Variants in PLCB3 observed in about 807,000 individuals in gnomAD.
PLCB3 encodes the protein 1-phosphatidylinositol 4,5-bisphosphate phosphodiesterase beta-3.
PLCB3 carries 54 observed loss-of-function variants against 152.1 expected under a neutral mutation model. That is an observed-to-expected ratio of 0.36 (90% CI 0.29 to 0.45). PLCB3 has a LOEUF of 0.45. Ranked by LOEUF, PLCB3 falls within the 20% of genes least tolerant of loss-of-function variation. PLCB3 has a pLI of 1.00. For missense variants in PLCB3, 1,248 were observed against 1,687.5 expected (o/e 0.74, Z 4.56); for synonymous variants, 717 against 698.7 (o/e 1.03, Z -0.41).
chr11:64,266,059 C>T lies in PLCB3; in HGVS notation c.3189+20C>T. 1 of 1,613,842 alleles carries T rather than the reference C, an allele frequency of 6.2e-7. No individual in the cohort carries two copies. Among genetic ancestry groups the T allele is most frequent in the Non-Finnish European group, 8.5e-7 (1 of 1,179,904 alleles). ...AGACAGGTAGGGGGCCTGCAGTGGC[C>T]AGGGAAAGCCTGCTGGATAGACCCG... On this transcript the variant is annotated intron_variant, in intron 26 of 30. Transcript: ENST00000279230. The surrounding 1 kb of genome is among the most constrained non-coding windows in gnomAD (Gnocchi z 4.9).
Position 64,265,320 on chromosome 11 carries a change from C to A in PLCB3, c.2853C>A (p.Pro951=). ...CTCTGCCGCTCCCAGAGGTGGCCCC[C>A]ACCCCGCTGGATGAGCTCCGAGGTC... is the stretch of plus-strand genomic sequence containing the variant. The part of the protein sequence containing the change: ...LIASILSEVA[P]TPLDELRGHK... The change falls in exon 25 of 31, where the codon CCC becomes CCA. Residue 951 remains proline, a synonymous_variant. Coordinates refer to ENST00000279230, the MANE Select transcript of PLCB3 (RefSeq NM_000932.5). 6.3e-7 allele frequency: 1 copy of A among 1,594,664 alleles called. No individual in the cohort carries two copies. Among genetic ancestry groups the A allele is most frequent in the Middle Eastern group, 1.7e-4 (1 of 6,010 alleles).
At position 64,264,012 on chromosome 11, in the gene PLCB3, TC is replaced by T. The variant is rs769286956; in HGVS notation, c.2561-3del. ...GTCTCTGAGACCTTGGCCTTCTGCCTCCCCCCAGACTATGCGGAGGCCCTGA... is the reference window on the plus strand; with the variant it reads ...GTCTCTGAGACCTTGGCCTTCTGCCTCCCCCAGACTATGCGGAGGCCCTGA... On this transcript the variant is annotated splice_region_variant and splice_polypyrimidine_tract_variant and intron_variant, in intron 21 of 30. Coordinates refer to ENST00000279230, the MANE Select transcript of PLCB3 (RefSeq NM_000932.5). The T allele has an allele frequency of 4.2e-5, 65 of 1,564,364 alleles. No individual in the cohort carries two copies. The African/African-American group carries it at 6.6e-4, about 16-fold the overall frequency.
At position 64,264,035 on chromosome 11, in the gene PLCB3, C is replaced by T. The variant is rs368390466; in HGVS notation, c.2575C>T (p.Leu859=). The T allele has an allele frequency of 1.3e-6, 2 of 1,573,970 alleles. No individual in the cohort carries two copies. Among genetic ancestry groups the T allele is most frequent in the Non-Finnish European group, 1.7e-6 (2 of 1,160,900 alleles). The change falls in exon 22 of 31, where the codon CTG becomes TTG. Residue 859 remains leucine (L), a synonymous_variant. Transcript: ENST00000279230. ...CCTCCCCCCAGACTATGCGGAGGCC[C>T]TGATCAACCCCATTAAGCACGTCAG... ...PDDHQDYAEA[L]INPIKHVSLM...
chr11:64,255,414 G>A lies in PLCB3; in HGVS notation c.486G>A (p.Leu162=), dbSNP rs895440232. 3 of 1,614,058 alleles carry A rather than the reference G, an allele frequency of 1.9e-6. No individual in the cohort carries two copies. Among genetic ancestry groups the A allele is most frequent in the Non-Finnish European group, 2.5e-6 (3 of 1,180,036 alleles). Residue 162 remains leucine (L), a synonymous_variant, in exon 6 of 31, where the codon CTG becomes CTA. Coordinates refer to ENST00000279230, the MANE Select transcript of PLCB3 (RefSeq NM_000932.5). This position sits in a 1 kb window ranked among gnomAD's most constrained non-coding sequence, Gnocchi z 6.8. ...TTCCCAGATACACGAAGCTGAAGCT[G>A]CAGGTGAACCAGGATGGTCGGATCC... ...FLRKAYTKLK[L]QVNQDGRIPV...
chr11:64,259,936 A>G, intron 13 of PLCB3, 93 bp from the exon 14 acceptor site: 1 of 1,026,396 alleles, frequency 9.7e-7, no homozygotes, highest in Non-Finnish European at 1.4e-6. Flanking sequence ...TTCCCCACTG[A>G]GTCACCTCGG....
In PLCB3 at chr11:64,265,428, C is replaced by T. The variant is rs1397212619; in HGVS notation, c.2961C>T (p.Thr987=). 1.2e-6 allele frequency: 2 copies of T among 1,611,476 alleles called. No homozygotes were observed. The highest frequency in any genetic ancestry group is 4.5e-5 in the East Asian group (2 of 44,862). ...AGAAGCATCAGCGGAAGGCAGTCAC[C>T]CTCACCCGCCGCCTGCTGGATGGCC... ...LRKKHQRKAV[T]LTRRLLDGLA... Residue 987 remains threonine (T), a synonymous_variant, in exon 25 of 31, where the codon ACC becomes ACT. Transcript: ENST00000279230.
chr11:64,263,944 C>T (rs1359512031), intron 21 of PLCB3, 77 bp from the exon 22 acceptor site: 1 of 1,248,970 alleles, frequency 8.0e-7, no homozygotes, highest in East Asian at 2.3e-5. Context: ...TGGAATTCCT[C>T]ATTGAGACCA....
In PLCB3 at chr11:64,263,546, G is replaced by C; in HGVS notation, c.2404G>C (p.Gly802Arg). The change falls in exon 20 of 31, where the codon GGG (glycine) becomes CGG (arginine). Residue 802 changes from glycine to arginine, a missense_variant. By Grantham distance (125) the Gly-to-Arg change is moderately radical. Coordinates refer to ENST00000279230, the MANE Select transcript of PLCB3 (RefSeq NM_000932.5). ...ACTTCGCATTGCAGCCTTTGAGGAG[G>C]GGGGTAAATTCGTAGGGCACCGGAT... ...ASLRIAAFEE[G>R]GKFVGHRILP... is the part of the protein sequence containing the mutation. 6.3e-7 allele frequency: 1 copy of C among 1,597,796 alleles called. No individual in the cohort carries two copies. Among genetic ancestry groups the C allele is most frequent in the Non-Finnish European group, 8.5e-7 (1 of 1,172,352 alleles).
rs1165750127 is a variant in PLCB3 at position 64,255,834 on chromosome 11, G to A, written c.698+13G>A. On this transcript the variant is annotated intron_variant, in intron 8 of 30. Transcript: ENST00000279230. This position sits in a 1 kb window ranked among gnomAD's most constrained non-coding sequence, Gnocchi z 6.8. ...TCCTGCTGGAGATGTGAGTGGGCCCGGCCTGCCTCACAACCCCTGTGCTCT... is the reference window on the plus strand; with the variant it reads ...TCCTGCTGGAGATGTGAGTGGGCCCAGCCTGCCTCACAACCCCTGTGCTCT... The A allele has an allele frequency of 7.6e-6, 12 of 1,574,104 alleles. No homozygotes were observed. The highest frequency in any genetic ancestry group is 6.7e-5 in the African/African-American group (5 of 74,244).
chr11:64,263,759 AC>A lies in PLCB3; in HGVS notation c.2526del (p.Glu843LysfsTer17). On this transcript the variant is annotated frameshift_variant, in exon 21 of 31. Coordinates refer to ENST00000279230, the MANE Select transcript of PLCB3 (RefSeq NM_000932.5). LOFTEE classifies it high-confidence loss of function. Reference protein sequence around the residue: ...PLCLPALLIYTEASDYIPDDH... With the variant: ...PLCLPALLIYXEASDYIPDDH... The stretch of plus-strand genomic sequence containing the variant: ...GTGCCTGCCGGCCCTGCTCATCTAC[AC>A]CGAAGCCTCGGACTACATTCCTGAC... 1 of 1,613,200 alleles carries A rather than the reference AC, an allele frequency of 6.2e-7. No individual in the cohort carries two copies. Among genetic ancestry groups the A allele is most frequent in the Non-Finnish European group, 8.5e-7 (1 of 1,179,848 alleles).
At position 64,267,859 on chromosome 11, in the gene PLCB3, G is replaced by T; in HGVS notation, c.*303G>T. 1 of 387,528 alleles carries T rather than the reference G, an allele frequency of 2.6e-6. No homozygotes were observed. The highest frequency in any genetic ancestry group is 4.6e-6 in the Non-Finnish European group (1 of 216,466). The allele number at this position is 387,528 out of a possible 1,614,324, so 24.0% of individuals were successfully genotyped here. On this transcript the variant is annotated 3_prime_UTR_variant, in exon 31 of 31. Coordinates refer to ENST00000279230, the MANE Select transcript of PLCB3 (RefSeq NM_000932.5). The surrounding 1 kb of genome is among the most constrained non-coding windows in gnomAD (Gnocchi z 5.2). ...GGAGACTTGGAGCTCCGGGAAGTAG[G>T]AGTCACATTTTTTTCTCTATTCTTT...
In PLCB3 at chr11:64,256,516, A is replaced by G; in HGVS notation, c.839A>G (p.Glu280Gly). 1.2e-6 allele frequency: 2 copies of G among 1,613,856 alleles called. No individual in the cohort carries two copies. Among genetic ancestry groups the G allele is most frequent in the Non-Finnish European group, 8.5e-7 (1 of 1,180,004 alleles). ...SQARLLIEKYEPNQQFLERDQ... is the reference protein window; with the variant it reads ...SQARLLIEKYGPNQQFLERDQ... ...GCCCGGCTGCTCATCGAAAAGTATGAGCCCAACCAGCAGTTTCTGGAGCGA... is the reference window on the plus strand; with the variant it reads ...GCCCGGCTGCTCATCGAAAAGTATGGGCCCAACCAGCAGTTTCTGGAGCGA... Residue 280 changes from glutamate (E) to glycine (G), a missense_variant, in exon 9 of 31, where the codon GAG becomes GGG. Glu to Gly is a moderately conservative substitution (Grantham distance 98, BLOSUM62 -2). This residue lies in a region of PLCB3 where 299 missense variants were observed against 434.7 expected (regional missense o/e 0.69). Coordinates refer to ENST00000279230, the MANE Select transcript of PLCB3 (RefSeq NM_000932.5).
chr11:64,267,120 C>A lies in PLCB3; in HGVS notation c.3415-65C>A. 7.0e-7 allele frequency: 1 copy of A among 1,419,176 alleles called. No homozygotes were observed. Among genetic ancestry groups the A allele is most frequent in the South Asian group, 1.2e-5 (1 of 81,374 alleles). 87.9% of individuals were successfully genotyped at this position (1,419,176 alleles called of 1,614,324 possible). On this transcript the variant is annotated intron_variant, in intron 29 of 30. Coordinates refer to ENST00000279230, the MANE Select transcript of PLCB3 (RefSeq NM_000932.5). This position sits in a 1 kb window ranked among gnomAD's most constrained non-coding sequence, Gnocchi z 5.2. Reference sequence around the variant, plus strand: ...CGCCCACCTGACTTCTATACCCAGCCAGAGCCTCGAGGCTCTAGCCCCTCC... The same window carrying A: ...CGCCCACCTGACTTCTATACCCAGCAAGAGCCTCGAGGCTCTAGCCCCTCC...
chr11:64,259,651 G>C (rs2031739444), intron 13 of PLCB3, among the ~76,000 whole-genome samples: 1 of 152,028 alleles, frequency 6.6e-6, no homozygotes, highest in African/African-American at 2.4e-5. Flanking sequence ...ACCCCTGACT[G>C]TTCACCTCAC....
In PLCB3 at chr11:64,261,998, G is replaced by A. The variant is rs763787385; in HGVS notation, c.1960G>A (p.Val654Met). ...LSRIYPKGTRVDSSNYMPQLF... is the reference protein window; with the variant it reads ...LSRIYPKGTRMDSSNYMPQLF... ...CCGCATCTACCCCAAGGGCACCCGC[G>A]TGGACTCCTCCAACTACATGCCCCA... Residue 654 changes from valine to methionine, a missense_variant, in exon 17 of 31, where the codon GTG (valine) becomes ATG (methionine). By Grantham distance (21) the Val-to-Met change is conservative. Transcript: ENST00000279230. 7 of 1,614,058 alleles carry A rather than the reference G, an allele frequency of 4.3e-6. No individual in the cohort carries two copies. Among genetic ancestry groups the A allele is most frequent in the East Asian group, 2.2e-5 (1 of 44,898 alleles).
intron 1 of PLCB3, among the ~76,000 whole-genome samples, chr11:64,253,010 A>G (rs937289436): frequency 6.6e-6 from 1 of 152,224 alleles, no homozygotes; most frequent in Non-Finnish European, 1.5e-5. Context: ...GCTGGGTGTC[A>G]GCACACTGAA....
Position 64,267,442 on chromosome 11 carries a change from G to T in PLCB3, c.3591G>T (p.Glu1197Asp). Residue 1197 changes from glutamate (E) to aspartate (D), a missense_variant, in exon 31 of 31, where the codon GAG becomes GAT. Glu to Asp is a conservative substitution (Grantham distance 45). Around this residue, in one of 6 missense-constraint regions of PLCB3, gnomAD observed 477 missense variants for 489.6 expected, o/e 0.97. Coordinates refer to ENST00000279230, the MANE Select transcript of PLCB3 (RefSeq NM_000932.5). This position sits in a 1 kb window ranked among gnomAD's most constrained non-coding sequence, Gnocchi z 5.2. The stretch of plus-strand genomic sequence containing the variant: ...GGAGCCTGCTGGGCGAGATGCCGGA[G>T]GGGCTGGGGGACGGGCCTCTGGTGG... ...IRRSLLGEMPEGLGDGPLVAC... is the reference protein window; with the variant it reads ...IRRSLLGEMPDGLGDGPLVAC... 6.4e-7 allele frequency: 1 copy of T among 1,551,064 alleles called. No individual in the cohort carries two copies. The highest frequency in any genetic ancestry group is 1.2e-5 in the South Asian group (1 of 84,500).
At chr11:64,263,085 C>T (rs574652438) in intron 19 of PLCB3, among the ~76,000 whole-genome samples, 4 of 152,330 alleles carry the variant, frequency 2.6e-5, no homozygotes, top group African/African-American at 4.8e-5. Flanking sequence ...ACCCTGTCTC[C>T]GAGGCAGGAG....
rs773612517 is a variant in PLCB3, at chr11:64,256,394, A to G, written c.717A>G (p.Pro239=). The change falls in exon 9 of 31, where the codon CCA becomes CCG. Residue 239 remains proline (P), a synonymous_variant. Transcript: ENST00000279230. ...ILLEIGAKGK[P]YLTLEQLMDF... ...CCTCCAGAGGCGCCAAGGGCAAGCCATACCTGACGCTGGAGCAGCTCATGG... is the reference window on the plus strand; with the variant it reads ...CCTCCAGAGGCGCCAAGGGCAAGCCGTACCTGACGCTGGAGCAGCTCATGG... The G allele has an allele frequency of 6.2e-7, 1 of 1,613,548 alleles. No individual in the cohort carries two copies. Among genetic ancestry groups the G allele is most frequent in the Non-Finnish European group, 8.5e-7 (1 of 1,179,994 alleles).
Sources: allele counts gnomAD v4.1 joint callset (sites outside exome capture counted in the v4.1 genomes callset), GRCh38; gene constraint gnomAD v4.1.1; regional missense constraint gnomAD v4.1.1; non-coding constraint Gnocchi (gnomAD v3.1); transcripts MANE v1.5; gene names NCBI Gene and HGNC (gene_info 2026-07-23, HGNC 2026-07-21).